Variants in ITGB4 observed in about 807,000 individuals in gnomAD.
ITGB4 encodes integrin subunit beta 4.
Under a neutral mutation model 207.6 loss-of-function variants are expected in ITGB4, and 159 were observed. The ratio of observed to expected loss-of-function variants is 0.77; its 90% confidence interval spans 0.67 to 0.87. The LOEUF (loss-of-function observed/expected upper bound fraction) is 0.87, where lower values mean the gene tolerates loss of function less well. ITGB4 is among the 40% of genes least tolerant of loss of function. The pLI is 0.00. For synonymous variants in ITGB4, 1,020 were observed against 1,062.7 expected (o/e 0.96, Z 0.78); for missense variants, 2,278 against 2,546.8 (o/e 0.89, Z 2.27).
rs1426832425 is a variant in ITGB4, at chr17:75,750,122, C to T, written c.3328C>T (p.Arg1110Trp). The T allele has an allele frequency of 3.7e-6, 6 of 1,613,606 alleles. No individual in the cohort carries two copies. Among genetic ancestry groups the T allele is most frequent in the South Asian group, 1.1e-5 (1 of 91,084 alleles). Residue 1110 changes from arginine (R) to tryptophan (W), a missense_variant, in exon 28 of 40, where the codon CGG (arginine) becomes TGG (tryptophan). By Grantham distance (101) the Arg-to-Trp change is moderately radical. Transcript: ENST00000200181. The surrounding 1 kb of genome is among the most constrained non-coding windows in gnomAD (Gnocchi z 5.5). ...IIIRDPDELD[R>W]SFTSQMLSSQ... Reference sequence around the variant, plus strand: ...ACCTGACCCGTTAGATGAACTGGACCGGAGCTTCACGAGTCAGATGTTGTC... The same window carrying T: ...ACCTGACCCGTTAGATGAACTGGACTGGAGCTTCACGAGTCAGATGTTGTC...
In ITGB4 at chr17:75,736,982, A is replaced by C. The variant is rs820178; in HGVS notation, c.1990+288A>C. 0.45 allele frequency among the ~76,000 whole-genome samples: 68,837 copies of C among 152,090 alleles called. 19,043 individuals are homozygous for C. The highest frequency in any genetic ancestry group is 0.61 in the Non-Finnish European group (41,248 of 67,940). ...GGAGGCACCTGACTTGGGCAGGGGC[A>C]TGCACCCAGCAGGGGTACATGGTCA... On this transcript the variant is annotated intron_variant, in intron 16 of 39. Transcript: ENST00000200181.
Position 75,752,555 on chromosome 17 carries a change from G to A in ITGB4, c.4086G>A (p.Arg1362=), listed in dbSNP as rs753588810. The change falls in exon 32 of 40, where the codon AGG becomes AGA. Residue 1362 remains arginine, a synonymous_variant. Transcript: ENST00000200181. ...TACGCTCTCCATCGGGCAGCCAGAGGCCCAGCGTCTCCGATGACACTGGTG... is the reference window on the plus strand; with the variant it reads ...TACGCTCTCCATCGGGCAGCCAGAGACCCAGCGTCTCCGATGACACTGGTG... ...DVLRSPSGSQ[R]PSVSDDTGCG... The A allele has an allele frequency of 3.7e-6, 6 of 1,613,596 alleles. 1 individual carries two copies. In the South Asian group the frequency reaches 5.5e-5, roughly 15 times the overall value.
intron 18 of ITGB4, among the ~76,000 whole-genome samples, chr17:75,738,636 C>T (rs1459229033): frequency 1.3e-5 from 2 of 152,200 alleles, no homozygotes; most frequent in Non-Finnish European, 2.9e-5. Flanking sequence ...GCCTGGGAGC[C>T]ACAACAGGGA....
rs2061348066 is a variant in ITGB4 at position 75,750,710 on chromosome 17, T to C, written c.3505T>C (p.Ser1169Pro). ...VKYWIQGDSE[S>P]EAHLLDSKVP... ...GTACTGGATTCAGGGTGACTCCGAA[T>C]CCGAAGCCCACCTGCTCGACAGCAA... The change falls in exon 29 of 40, where the codon TCC (serine) becomes CCC (proline). Residue 1169 changes from serine (S) to proline (P), a missense_variant. Transcript: ENST00000200181. This position sits in a 1 kb window ranked among gnomAD's most constrained non-coding sequence, Gnocchi z 5.5. 1 of 1,613,350 alleles carries C rather than the reference T, an allele frequency of 6.2e-7. No homozygotes were observed. The highest frequency in any genetic ancestry group is 1.3e-5 in the African/African-American group (1 of 75,014).
chr17:75,753,683 G>C (rs2061419956), intron 32 of ITGB4, 82 bp from the exon 33 acceptor site: 3 of 959,092 alleles, frequency 3.1e-6, no homozygotes, highest in Middle Eastern at 3.7e-4. Flanking sequence ...TCCCCTCGCA[G>C]AGCCTACGGC....
chr17:75,755,823 A>G lies in ITGB4; in HGVS notation c.4681A>G (p.Ser1561Gly), dbSNP rs767255114. 1.2e-6 allele frequency: 2 copies of G among 1,607,526 alleles called. No individual in the cohort carries two copies. The highest frequency in any genetic ancestry group is 2.2e-5 in the East Asian group (1 of 44,874). The change falls in exon 35 of 40, where the codon AGT becomes GGT. Residue 1561 changes from serine (S) to glycine (G), a missense_variant. Physicochemically the swap from Ser to Gly is moderately conservative, Grantham distance 56 (BLOSUM62 0). Coordinates refer to ENST00000200181, the MANE Select transcript of ITGB4 (RefSeq NM_000213.5). The stretch of plus-strand genomic sequence containing the variant: ...GTGCGAGCGGCCGCTGCAGGGCTAC[A>G]GTGTGGAGTACCAGCTGCTGAACGG... Reference protein sequence around the residue: ...PRCERPLQGYSVEYQLLNGGE... With the variant: ...PRCERPLQGYGVEYQLLNGGE...
chr17:75,743,582 A>T, intron 25 of ITGB4, 131 bp from the exon 26 acceptor site: 1 of 1,233,052 alleles, frequency 8.1e-7, no homozygotes, highest in Non-Finnish European at 1.2e-6. Context: ...TGCCCTTCCC[A>T]GAGGGCAATG....
intron 6 of ITGB4, 135 bp downstream of exon 6, chr17:75,728,608 G>A (rs1041462672): frequency 2.7e-6 from 2 of 728,830 alleles, no homozygotes; most frequent in Non-Finnish European, 4.8e-6. Context: ...CAGCACTTTG[G>A]GAGACCAGGG....
rs1186891693 is a variant in ITGB4 at position 75,733,095 on chromosome 17, TA to T, written c.1455-391del. 7.6e-5 allele frequency among the ~76,000 whole-genome samples: 9 copies of T among 119,192 alleles called. No homozygotes were observed. In the East Asian group the frequency reaches 1.5e-3, roughly 20 times the overall value. 78.2% of individuals were successfully genotyped at this position (119,192 alleles called of 152,430 possible). A position where few individuals can be genotyped will look rare whatever the true frequency, so the allele number is the denominator to read the frequency against. On this transcript the variant is annotated intron_variant, in intron 12 of 39. Coordinates refer to ENST00000200181, the MANE Select transcript of ITGB4 (RefSeq NM_000213.5). ...AGCGAAACTCTGTCTTGAAAAAAAA[TA>T]AAATAAAATAGGCCAGGCGCGGTGG...
chr17:75,743,031 A>G (rs1042011209), intron 25 of ITGB4, among the ~76,000 whole-genome samples: 6 of 151,754 alleles, frequency 4.0e-5, no homozygotes, highest in Non-Finnish European at 7.4e-5. Flanking sequence ...GCTCCTCTCT[A>G]TCTAGAAAAA....
At position 75,736,398 on chromosome 17, in the gene ITGB4, A is replaced by G. The variant is rs1438177985; in HGVS notation, c.1860+12A>G. 2 of 1,613,640 alleles carry G rather than the reference A, an allele frequency of 1.2e-6. No individual in the cohort carries two copies. Among genetic ancestry groups the G allele is most frequent in the Admixed American group, 1.7e-5 (1 of 60,020 alleles). ...TCAACTACTCGGCGGTGAGGCTAAG[A>G]CCTACGAGGTGTGGGCGTGGGAACA... is the stretch of plus-strand genomic sequence containing the variant. On this transcript the variant is annotated intron_variant, in intron 15 of 39. Transcript: ENST00000200181.
intron 2 of ITGB4, among the ~76,000 whole-genome samples, chr17:75,726,412 C>T (rs1370786714): frequency 6.6e-6 from 1 of 152,024 alleles, no homozygotes; most frequent in African/African-American, 2.4e-5. Context: ...GGCGACACAG[C>T]AAGACCGTAT....
At position 75,736,694 on chromosome 17, in the gene ITGB4, G is replaced by A; in HGVS notation, c.1990G>A (p.Ala664Thr). The A allele has an allele frequency of 1.3e-6, 2 of 1,592,944 alleles. No homozygotes were observed. The highest frequency in any genetic ancestry group is 1.1e-5 in the South Asian group (1 of 87,232). The change falls in exon 16 of 40, where the codon GCC becomes ACC. Residue 664 changes from alanine to threonine, a missense_variant and splice_region_variant. Physicochemically the swap from Ala to Thr is moderately conservative, Grantham distance 58. Transcript: ENST00000200181. ...CAAGATGGTGGACGAGCTTAAGAGA[G>A]GTAGGGGCAGGGGCTGAGGGTTGGG... is the stretch of plus-strand genomic sequence containing the variant. ...KVKMVDELKR[A>T]EEVVVRCSFR...
Position 75,755,856 on chromosome 17 carries a change from G to T in ITGB4, c.4708+6G>T, listed in dbSNP as rs893261865. 7.5e-6 allele frequency: 12 copies of T among 1,601,430 alleles called. No homozygotes were observed. Among genetic ancestry groups the T allele is most frequent in the East Asian group, 2.2e-5 (1 of 44,840 alleles). On this transcript the variant is annotated splice_donor_region_variant and intron_variant, in intron 35 of 39. Coordinates refer to ENST00000200181, the MANE Select transcript of ITGB4 (RefSeq NM_000213.5). Reference sequence around the variant, plus strand: ...GTACCAGCTGCTGAACGGCGGTGAGGCATGGTGGCTGCCAGGCTGCGGGGT... The same window carrying T: ...GTACCAGCTGCTGAACGGCGGTGAGTCATGGTGGCTGCCAGGCTGCGGGGT...
At position 75,727,660 on chromosome 17, in the gene ITGB4, A is replaced by G; in HGVS notation, c.274A>G (p.Ile92Val). ...SSFQITEETQ[I>V]DTTLRRSQMS... ...CTTCCACTGGCTGCAGGAGACCCAGATTGACACCACCCTGCGGCGCAGCCA... is the reference window on the plus strand; with the variant it reads ...CTTCCACTGGCTGCAGGAGACCCAGGTTGACACCACCCTGCGGCGCAGCCA... Residue 92 changes from isoleucine (I) to valine (V), a missense_variant, in exon 5 of 40, where the codon ATT becomes GTT. Physicochemically the swap from Ile to Val is conservative, Grantham distance 29. Coordinates refer to ENST00000200181, the MANE Select transcript of ITGB4 (RefSeq NM_000213.5). The surrounding 1 kb of genome is among the most constrained non-coding windows in gnomAD (Gnocchi z 6.0). The G allele has an allele frequency of 1.2e-6, 2 of 1,606,282 alleles. No individual in the cohort carries two copies. The highest frequency in any genetic ancestry group is 1.7e-6 in the Non-Finnish European group (2 of 1,177,054).
Position 75,731,430 on chromosome 17 carries a change from C to G in ITGB4, c.1215+62C>G, listed in dbSNP as rs907713944. On this transcript the variant is annotated intron_variant, in intron 10 of 39. Transcript: ENST00000200181. The surrounding 1 kb of genome is among the most constrained non-coding windows in gnomAD (Gnocchi z 6.8). Reference sequence around the variant, plus strand: ...CACAGCGCCCCACACCGAGTGGAATCGTTTAAAACAGCGGTCAAGAGCGTG... The same window carrying G: ...CACAGCGCCCCACACCGAGTGGAATGGTTTAAAACAGCGGTCAAGAGCGTG... 4 of 1,533,826 alleles carry G rather than the reference C, an allele frequency of 2.6e-6. No individual in the cohort carries two copies. In the Admixed American group the frequency reaches 6.9e-5, roughly 26 times the overall value.
At position 75,742,238 on chromosome 17, in the gene ITGB4, T is replaced by C; in HGVS notation, c.2634-103T>C. On this transcript the variant is annotated intron_variant, in intron 23 of 39. Transcript: ENST00000200181. The surrounding 1 kb of genome is among the most constrained non-coding windows in gnomAD (Gnocchi z 5.9). ...TCTGAAGACCCTGCACTTCTTGCTG[T>C]CTTACATCCTGGCCCCTGAAGGGGA... is the stretch of plus-strand genomic sequence containing the variant. 1.4e-6 allele frequency: 2 copies of C among 1,446,326 alleles called. No individual in the cohort carries two copies. The highest frequency in any genetic ancestry group is 1.9e-6 in the Non-Finnish European group (2 of 1,040,942). 89.6% of individuals were successfully genotyped at this position (1,446,326 alleles called of 1,614,324 possible).
In ITGB4 at chr17:75,736,271, G is replaced by A. The variant is rs201593492; in HGVS notation, c.1762-17G>A. The A allele has an allele frequency of 4.1e-5, 66 of 1,611,966 alleles. 1 individual carries two copies. In the East Asian group the frequency reaches 1.3e-3, roughly 32 times the overall value. Reference sequence around the variant, plus strand: ...GATGGGGCACAGCTGGCTCACTGGTGCCCCCTCCTACCCCAGGGCATCTGT... The same window carrying A: ...GATGGGGCACAGCTGGCTCACTGGTACCCCCTCCTACCCCAGGGCATCTGT... On this transcript the variant is annotated splice_polypyrimidine_tract_variant and intron_variant, in intron 14 of 39. Coordinates refer to ENST00000200181, the MANE Select transcript of ITGB4 (RefSeq NM_000213.5).
At chr17:75,743,974 C>T (rs1367175462) in intron 26 of ITGB4, 113 bp downstream of exon 26, 11 of 1,247,198 alleles carry the variant, frequency 8.8e-6, no homozygotes, top group South Asian at 8.5e-5. Flanking sequence ...GGATACTGGC[C>T]GTGCCCCTGG....
Sources: gnomAD v4.1 joint callset for allele counts (sites outside exome capture counted in the v4.1 genomes callset) on GRCh38, gnomAD v4.1.1 for gene constraint, Gnocchi (gnomAD v3.1) non-coding constraint, MANE v1.5 for transcripts, NCBI Gene and HGNC (gene_info 2026-07-23, HGNC 2026-07-21) for gene names.